Variants in MAF observed in about 807,000 individuals in gnomAD.
The protein encoded by MAF is transcription factor Maf.
Under a neutral mutation model 22.0 loss-of-function variants are expected in MAF, and 10 were observed. The ratio of observed to expected loss-of-function variants is 0.45; its 90% CI spans 0.28 to 0.77. The LOEUF (loss-of-function observed/expected upper bound fraction) is 0.77, where lower values mean the gene tolerates loss of function less well. Among genes scored for constraint, MAF ranks in the 30% least tolerant of loss-of-function variants. MAF has a pLI of 0.12. For synonymous variants in MAF, 337 were observed against 255.8 expected (o/e 1.32, Z -3.03); for missense variants, 544 against 548.4 (o/e 0.99, Z 0.08).
chr16:79,260,187 G>A, the MAF span, among the ~76,000 whole-genome samples: 1 of 152,188 alleles, frequency 6.6e-6, no homozygotes, highest in Non-Finnish European at 1.5e-5. Context: ...GTCTCACTCT[G>A]TTGCCCAGGC....
At chr16:79,394,231 C>A in the MAF span, among the ~76,000 whole-genome samples, 3 of 152,196 alleles carry the variant, frequency 2.0e-5, no homozygotes, top group Non-Finnish European at 2.9e-5. Flanking sequence ...GGTCTAAATT[C>A]AGTCTGGGGC....
At chr16:79,506,046 G>A in the MAF span, among the ~76,000 whole-genome samples, 6 of 152,156 alleles carry the variant, frequency 3.9e-5, no homozygotes, top group South Asian at 8.3e-4. Context: ...AGGAGAAGTC[G>A]TCATTTTTTC....
At chr16:79,277,528 T>G in the MAF span, among the ~76,000 whole-genome samples, 1 of 152,324 alleles carries the variant, frequency 6.6e-6, no homozygotes, top group African/African-American at 2.4e-5. Flanking sequence ...AGTACTATTA[T>G]TACTATTATT....
At chr16:79,276,495 A>G in the MAF span, among the ~76,000 whole-genome samples, 1 of 152,204 alleles carries the variant, frequency 6.6e-6, no homozygotes, top group African/African-American at 2.4e-5. Context: ...GAAAGCATCA[A>G]AAAGCACAAA....
the MAF span, among the ~76,000 whole-genome samples, chr16:79,467,013 T>G: frequency 6.6e-6 from 1 of 152,182 alleles, no homozygotes; most frequent in African/African-American, 2.4e-5. Context: ...CCTGGCCGCC[T>G]CCAAGCCATG....
At chr16:79,381,706 G>A in the MAF span, among the ~76,000 whole-genome samples, 1 of 152,122 alleles carries the variant, frequency 6.6e-6, no homozygotes, top group Non-Finnish European at 1.5e-5. Context: ...TCTTCTCTTG[G>A]AGAGATTCCT....
the MAF span, among the ~76,000 whole-genome samples, chr16:79,530,665 CTGAG>C: frequency 6.6e-6 from 1 of 152,156 alleles, no homozygotes; most frequent in Non-Finnish European, 1.5e-5. Context: ...GAAAGTATGA[CTGAG>C]TGCTTATTAT....
At chr16:79,276,910 T>C in the MAF span, among the ~76,000 whole-genome samples, 8 of 152,238 alleles carry the variant, frequency 5.3e-5, no homozygotes, top group African/African-American at 1.7e-4. Context: ...CCTCTTCCCA[T>C]GTCTGGTGGC....
At chr16:79,421,908 G>C in the MAF span, among the ~76,000 whole-genome samples, 1 of 152,314 alleles carries the variant, frequency 6.6e-6, no homozygotes, top group African/African-American at 2.4e-5. Context: ...CTCCTGGGTA[G>C]CTGGGATCAC....
chr16:79,407,993 G>C, the MAF span, among the ~76,000 whole-genome samples: 3 of 139,400 alleles, frequency 2.2e-5, no homozygotes, highest in Non-Finnish European at 4.5e-5. Context: ...GAGGGAGATC[G>C]ACCCTCATGA....
chr16:79,556,617 G>A, the MAF span, among the ~76,000 whole-genome samples: 2 of 152,212 alleles, frequency 1.3e-5, no homozygotes, highest in African/African-American at 2.4e-5. Context: ...CAAGGGTTGA[G>A]CAAGGAGAGT....
chr16:79,552,837 T>C, the MAF span, among the ~76,000 whole-genome samples: 1 of 152,196 alleles, frequency 6.6e-6, no homozygotes, highest in African/African-American at 2.4e-5. Context: ...TAAGGCTTGG[T>C]AAATGTTGAC....
At chr16:79,346,232 A>G in the MAF span, among the ~76,000 whole-genome samples, 6 of 141,394 alleles carry the variant, frequency 4.2e-5, no homozygotes, top group Admixed American at 7.4e-5. Flanking sequence ...CCTGTGTCCA[A>G]GTGTTCTCAC....
chr16:79,312,622 C>A, the MAF span, among the ~76,000 whole-genome samples: 3 of 152,220 alleles, frequency 2.0e-5, no homozygotes, highest in African/African-American at 4.8e-5. Context: ...CGCCCAATAC[C>A]TAGGACCGTC....
chr16:79,369,400 T>G, the MAF span, among the ~76,000 whole-genome samples: 8,816 of 152,234 alleles, frequency 0.058, 590 homozygotes, highest in African/African-American at 0.17. Context: ...TTCTATTACA[T>G]GACACTATCT....
At chr16:79,376,893 T>C in the MAF span, among the ~76,000 whole-genome samples, 2 of 152,260 alleles carry the variant, frequency 1.3e-5, no homozygotes, top group South Asian at 4.1e-4. Flanking sequence ...ATGGTGTATA[T>C]ATGCCACATT....
At chr16:79,305,888 T>G in the MAF span, among the ~76,000 whole-genome samples, 3 of 152,176 alleles carry the variant, frequency 2.0e-5, no homozygotes, top group Non-Finnish European at 4.4e-5. Flanking sequence ...GCGTTTGCAC[T>G]ATTTGGGACC....
the MAF span, among the ~76,000 whole-genome samples, chr16:79,274,725 C>G: frequency 6.6e-6 from 1 of 152,160 alleles, no homozygotes. Flanking sequence ...TACCCTCTGC[C>G]AAGTCAGGGC....
chr16:79,546,290 A>G, the MAF span, among the ~76,000 whole-genome samples: 1 of 112,458 alleles, frequency 8.9e-6, no homozygotes, highest in Non-Finnish European at 1.9e-5. Context: ...ATCAAAATCA[A>G]TAAGAGAATT....
Sources: allele counts gnomAD v4.1 joint callset (sites outside exome capture counted in the v4.1 genomes callset), GRCh38; gene constraint gnomAD v4.1.1; transcripts MANE v1.5; gene names NCBI Gene and HGNC (gene_info 2026-07-23, HGNC 2026-07-21).